The following GBX1 variants were observed in gnomAD, a reference collection of about 807,000 sequenced individuals.
GBX1 encodes homeobox protein GBX-1.
Under a neutral mutation model 22.9 loss-of-function variants are expected in GBX1, and 9 were observed. The observed-to-expected ratio is 0.39, with a 90% CI of 0.24 to 0.69. The LOEUF is 0.69. Ranked by LOEUF, GBX1 falls within the 30% of genes least tolerant of loss-of-function variation. The pLI is 0.43. For missense variants in GBX1, 494 were observed against 509.2 expected, an observed-to-expected ratio of 0.97 and a Z score of 0.29; for synonymous variants, 203 against 227.3, an observed-to-expected ratio of 0.89 and a Z score of 0.96.
chr7:151,148,728 C>T lies in GBX1; in HGVS notation c.953G>A (p.Arg318His), dbSNP rs758029438. Residue 318 changes from arginine (R) to histidine (H), a missense_variant, in exon 2 of 2, where the codon CGC (arginine) becomes CAC (histidine). Around this residue, in one of 3 missense-constraint regions of GBX1, gnomAD observed 124 missense variants for 152.0 expected, o/e 0.82. Transcript: ENST00000297537. The surrounding 1 kb of genome is among the most constrained non-coding windows in gnomAD (Gnocchi z 5.1). ...GCTGCTCACATTGCCAGCTTTGATG[C>T]GCTTCCACTTGGCCCGTCGATTCTG... ...WFQNRRAKWK[R>H]IKAGNVSSRS... The T allele has an allele frequency of 2.5e-6, 4 of 1,614,026 alleles. No homozygotes were observed. The highest frequency in any genetic ancestry group is 1.1e-5 in the South Asian group (1 of 91,082).
rs760796486 is a variant in GBX1 at position 151,148,801 on chromosome 7, T to C, written c.880A>G (p.Ile294Val). 3.7e-6 allele frequency: 6 copies of C among 1,614,186 alleles called. No individual in the cohort carries two copies. Among genetic ancestry groups the C allele is most frequent in the Non-Finnish European group, 5.1e-6 (6 of 1,180,024 alleles). The change falls in exon 2 of 2, where the codon ATC becomes GTC. Residue 294 changes from isoleucine (I) to valine (V), a missense_variant. This residue lies in a region of GBX1 where 124 missense variants were observed against 152.0 expected (regional missense o/e 0.82). Coordinates refer to ENST00000297537, the MANE Select transcript of GBX1 (RefSeq NM_001098834.3). This position sits in a 1 kb window ranked among gnomAD's most constrained non-coding sequence, Gnocchi z 5.1. The stretch of plus-strand genomic sequence containing the variant: ...TCACTGAGCTTGAGGGCGTGGGCGA[T>C]CTGAGAGCGCTCTGTCAAGCTCAGG... The part of the protein sequence containing the change: ...KYLSLTERSQ[I>V]AHALKLSEVQ...
chr7:151,156,306 G>T (rs1313572121), intron 1 of GBX1, among the ~76,000 whole-genome samples: 1 of 129,232 alleles, frequency 7.7e-6, no homozygotes. Context: ...AGAGTCACTT[G>T]AACTTGAGAG....
chr7:151,163,260 G>C (rs1285210000), intron 1 of GBX1, among the ~76,000 whole-genome samples: 1 of 151,682 alleles, frequency 6.6e-6, no homozygotes, highest in Admixed American at 6.6e-5. Context: ...CAAACCGTCA[G>C]ACACACGAGA....
intron 1 of GBX1, among the ~76,000 whole-genome samples, chr7:151,162,805 T>A (rs1384117841): frequency 5.3e-5 from 1 of 18,982 alleles, no homozygotes; most frequent in South Asian, 1.0e-3. Flanking sequence ...TTCTTCTGCC[T>A]TTTTTTTTTT....
intron 1 of GBX1, among the ~76,000 whole-genome samples, chr7:151,157,957 A>C (rs1266933614): frequency 2.0e-5 from 3 of 152,230 alleles, no homozygotes; most frequent in Non-Finnish European, 4.4e-5. Flanking sequence ...ACCTCTAGCT[A>C]AATGAAGAAA....
intron 1 of GBX1, among the ~76,000 whole-genome samples, chr7:151,150,791 T>C (rs1332013483): frequency 1.3e-5 from 2 of 152,286 alleles, no homozygotes; most frequent in African/African-American, 4.8e-5. Context: ...TGGAGTATAG[T>C]GCACAGTCTT....
chr7:151,156,803 G>T (rs1413770972), intron 1 of GBX1, among the ~76,000 whole-genome samples: 4 of 151,336 alleles, frequency 2.6e-5, no homozygotes, highest in African/African-American at 9.7e-5. Flanking sequence ...TTGCCAACAT[G>T]GTAAAACCCT....
At chr7:151,158,497 C>A (rs1415609798) in intron 1 of GBX1, among the ~76,000 whole-genome samples, 1 of 150,958 alleles carries the variant, frequency 6.6e-6, no homozygotes, top group Non-Finnish European at 1.5e-5. Flanking sequence ...GGAGAACAGG[C>A]CCTAGTGAGG....
At chr7:151,150,305 T>A (rs571381521) in intron 1 of GBX1, among the ~76,000 whole-genome samples, 1 of 152,094 alleles carries the variant, frequency 6.6e-6, no homozygotes, top group Non-Finnish European at 1.5e-5. Context: ...CAAAAAGCAG[T>A]GAAACAAGTC....
At chr7:151,152,871 G>A (rs1444484335) in intron 1 of GBX1, among the ~76,000 whole-genome samples, 4 of 152,166 alleles carry the variant, frequency 2.6e-5, no homozygotes, top group African/African-American at 7.2e-5. Flanking sequence ...TGAGCGGCAG[G>A]GGCAAGAGTT....
intron 1 of GBX1, among the ~76,000 whole-genome samples, chr7:151,158,346 AGT>A (rs986788087): frequency 5.9e-5 from 9 of 152,322 alleles, no homozygotes; most frequent in African/African-American, 2.2e-4. Context: ...AACCCACCTG[AGT>A]GTGAATTAGT....
chr7:151,161,948 CTT>C (rs1309640368), intron 1 of GBX1, among the ~76,000 whole-genome samples: 4 of 152,286 alleles, frequency 2.6e-5, no homozygotes, highest in African/African-American at 9.6e-5. Context: ...AGTCATGTGA[CTT>C]TGAATCTCCC....
intron 1 of GBX1, among the ~76,000 whole-genome samples, chr7:151,157,406 CAGAA>C (rs1801147519): frequency 6.6e-6 from 1 of 152,218 alleles, no homozygotes; most frequent in African/African-American, 2.4e-5. Flanking sequence ...TCAGAGCAAA[CAGAA>C]AGCCTCACTG....
At chr7:151,165,454 T>A (rs1801238834) in intron 1 of GBX1, among the ~76,000 whole-genome samples, 1 of 152,334 alleles carries the variant, frequency 6.6e-6, no homozygotes, top group Middle Eastern at 3.4e-3. Flanking sequence ...TCCTCCAAAG[T>A]CATCTCTTTG....
chr7:151,163,713 G>A (rs774853822), intron 1 of GBX1, among the ~76,000 whole-genome samples: 40 of 151,716 alleles, frequency 2.6e-4, no homozygotes, highest in Non-Finnish European at 5.3e-4. Flanking sequence ...TGACATATAT[G>A]GCTTGCATAT....
chr7:151,160,524 C>A (rs747507417), intron 1 of GBX1, among the ~76,000 whole-genome samples: 2 of 152,206 alleles, frequency 1.3e-5, no homozygotes, highest in Non-Finnish European at 2.9e-5. Flanking sequence ...TTGCTTATAA[C>A]CCTCATCTGA....
intron 1 of GBX1, among the ~76,000 whole-genome samples, chr7:151,161,537 G>A (rs1347431732): frequency 6.6e-6 from 1 of 152,062 alleles, no homozygotes; most frequent in Non-Finnish European, 1.5e-5. Flanking sequence ...AATGCTTTTA[G>A]ACATACAACA....
At chr7:151,153,933 A>G (rs1344769460) in intron 1 of GBX1, among the ~76,000 whole-genome samples, 1 of 152,154 alleles carries the variant, frequency 6.6e-6, no homozygotes. Context: ...TGGTAGATAC[A>G]ATGTTCATAA....
chr7:151,153,114 A>C (rs1245466215), intron 1 of GBX1, among the ~76,000 whole-genome samples: 2 of 152,220 alleles, frequency 1.3e-5, no homozygotes, highest in Non-Finnish European at 2.9e-5. Flanking sequence ...AAATAGCAGA[A>C]AAATTAAATG....
Sources: allele counts gnomAD v4.1 joint callset (sites outside exome capture counted in the v4.1 genomes callset), GRCh38; gene constraint gnomAD v4.1.1; regional missense constraint gnomAD v4.1.1; non-coding constraint Gnocchi (gnomAD v3.1); transcripts MANE v1.5; gene names NCBI Gene and HGNC (gene_info 2026-07-23, HGNC 2026-07-21).